CORO2B: variants seen among roughly 807,000 people sequenced by gnomAD.
The protein encoded by CORO2B is coronin 2B.
Under a neutral mutation model 58.8 loss-of-function variants are expected in CORO2B, and 26 were observed. The ratio of observed to expected loss-of-function variants is 0.44; its 90% CI spans 0.32 to 0.61. The LOEUF is 0.61. Among genes scored for constraint, CORO2B ranks in the 20% least tolerant of loss-of-function variants. The pLI is 0.04. For missense variants in CORO2B, 460 were observed against 645.1 expected (o/e 0.71, Z 3.11); for synonymous variants, 242 against 253.8 (o/e 0.95, Z 0.44).
At chr15:68,559,572 G>T in the CORO2B span, 35 of 985,184 alleles carry the variant, frequency 3.6e-5, no homozygotes, top group African/African-American at 3.5e-5. The surrounding 1 kb of genome is among the most constrained non-coding windows in gnomAD (Gnocchi z 4.3). Flanking sequence ...TGGAAGAGCT[G>T]CAGGGACCAG....
chr15:68,554,023 A>T, the CORO2B span, among the ~76,000 whole-genome samples: 1 of 152,206 alleles, frequency 6.6e-6, no homozygotes. Context: ...ACCATGTTGG[A>T]GGCTGAGCAG....
At chr15:68,697,685 A>C (rs1892546622) in intron 3 of CORO2B, among the ~76,000 whole-genome samples, 2 of 152,228 alleles carry the variant, frequency 1.3e-5, no homozygotes, top group Admixed American at 1.3e-4. Flanking sequence ...AATTAGGGAC[A>C]GTGGTCAGGG....
At chr15:68,521,653 A>G in the CORO2B span, among the ~76,000 whole-genome samples, 1 of 151,806 alleles carries the variant, frequency 6.6e-6, no homozygotes, top group East Asian at 1.9e-4. Context: ...AATTATTTTT[A>G]TTTTATAAAT....
At position 68,710,698 on chromosome 15, in the gene CORO2B, T is replaced by A; in HGVS notation, c.334-34T>A. 1 of 1,541,350 alleles carries A rather than the reference T, an allele frequency of 6.5e-7. No homozygotes were observed. The highest frequency in any genetic ancestry group is 8.8e-7 in the Non-Finnish European group (1 of 1,139,776). The stretch of plus-strand genomic sequence containing the variant: ...CTCATCAAGGGACTTCTTGGCCGTG[T>A]CCACCCAGCCTGGACCCTCATCTCC... On this transcript the variant is annotated intron_variant, in intron 3 of 11. Coordinates refer to ENST00000261861, the MANE Select transcript of CORO2B (RefSeq NM_006091.5). The surrounding 1 kb of genome is among the most constrained non-coding windows in gnomAD (Gnocchi z 4.1).
chr15:68,546,891 A>G, the CORO2B span, among the ~76,000 whole-genome samples: 32 of 152,288 alleles, frequency 2.1e-4, no homozygotes, highest in East Asian at 6.2e-3. Flanking sequence ...TAAGTGAGCA[A>G]TCAGGAGACT....
chr15:68,666,595 C>T (rs536931560), intron 2 of CORO2B, among the ~76,000 whole-genome samples: 29 of 152,282 alleles, frequency 1.9e-4, no homozygotes, highest in African/African-American at 7.0e-4. Context: ...GAGAAGTGGC[C>T]TGAGCAGGTG....
intron 3 of CORO2B, among the ~76,000 whole-genome samples, chr15:68,709,445 G>T (rs1465340982): frequency 7.1e-6 from 1 of 140,848 alleles, no homozygotes; most frequent in Non-Finnish European, 1.5e-5. Flanking sequence ...TTTTCGAAAA[G>T]ATTTTTTTTT....
At chr15:68,591,139 G>A (rs1023458666) in intron 1 of CORO2B, among the ~76,000 whole-genome samples, 1 of 152,178 alleles carries the variant, frequency 6.6e-6, no homozygotes, top group Admixed American at 6.5e-5. Context: ...AAGGGAGGCT[G>A]ATGGGTGGAG....
At chr15:68,625,895 A>G (rs1044327305) in intron 1 of CORO2B, among the ~76,000 whole-genome samples, 1 of 152,116 alleles carries the variant, frequency 6.6e-6, no homozygotes, top group African/African-American at 2.4e-5. Context: ...ATGAGCCACC[A>G]CACCCAGCCC....
intron 8 of CORO2B, among the ~76,000 whole-genome samples, chr15:68,717,469 C>A (rs1347557651): frequency 6.6e-6 from 1 of 152,046 alleles, no homozygotes; most frequent in African/African-American, 2.4e-5. Flanking sequence ...AGTGTGAATC[C>A]AGATGTTTAG....
intron 1 of CORO2B, among the ~76,000 whole-genome samples, chr15:68,641,918 G>A (rs1428790177): frequency 1.3e-5 from 2 of 151,966 alleles, no homozygotes; most frequent in African/African-American, 4.8e-5. Context: ...ATAGAGACAG[G>A]GTTCTGCCAT....
At chr15:68,665,445 C>T (rs989974494) in intron 2 of CORO2B, among the ~76,000 whole-genome samples, 7 of 151,702 alleles carry the variant, frequency 4.6e-5, no homozygotes, top group Non-Finnish European at 8.8e-5. Context: ...TTTTCTCAAA[C>T]GTAGTTGGCT....
intron 1 of CORO2B, among the ~76,000 whole-genome samples, chr15:68,603,418 C>T (rs951166903): frequency 4.6e-5 from 7 of 152,176 alleles, no homozygotes; most frequent in East Asian, 3.9e-4. Context: ...GAGGAGCCTT[C>T]GTGGAGGACA....
the CORO2B span, chr15:68,559,727 G>A: frequency 1.3e-6 from 1 of 786,598 alleles, no homozygotes; most frequent in South Asian, 5.8e-5. The surrounding 1 kb of genome is among the most constrained non-coding windows in gnomAD (Gnocchi z 4.3). Context: ...GACTGTCGGT[G>A]AGGCTGCGGC....
intron 2 of CORO2B, among the ~76,000 whole-genome samples, chr15:68,691,390 C>T (rs1236768788): frequency 5.3e-5 from 1 of 18,968 alleles, no homozygotes; most frequent in African/African-American, 7.4e-5. Context: ...CTTTGGGAGG[C>T]CGAGGCGGGC....
chr15:68,575,873 G>A (rs76406215), upstream of CORO2B, among the ~76,000 whole-genome samples: 5,364 of 151,730 alleles, frequency 0.035, 155 homozygotes, highest in Middle Eastern at 0.078. Flanking sequence ...TGCATGTATT[G>A]GCTGGGTGTG....
intron 2 of CORO2B, among the ~76,000 whole-genome samples, chr15:68,671,140 T>C (rs920733551): frequency 6.6e-6 from 1 of 152,202 alleles, no homozygotes; most frequent in Non-Finnish European, 1.5e-5. Context: ...TTCAAGAATG[T>C]TCAATGGCAC....
intron 1 of CORO2B, chr15:68,632,167 C>T (rs1900856324): frequency 2.0e-6 from 2 of 985,576 alleles, no homozygotes; most frequent in Non-Finnish European, 2.4e-6. Flanking sequence ...GTGCCTCCTG[C>T]ACCCGTGGCC....
chr15:68,577,661 C>T (rs1031928117), upstream of CORO2B, among the ~76,000 whole-genome samples: 3 of 144,408 alleles, frequency 2.1e-5, no homozygotes, highest in Admixed American at 7.3e-5. Context: ...GCGGAGGTTG[C>T]AGTGAGCCGA....
Sources: gnomAD v4.1 joint callset for allele counts (sites outside exome capture counted in the v4.1 genomes callset) on GRCh38, gnomAD v4.1.1 for gene constraint, Gnocchi (gnomAD v3.1) non-coding constraint, MANE v1.5 for transcripts, NCBI Gene and HGNC (gene_info 2026-07-23, HGNC 2026-07-21) for gene names.